Variants in USP49 observed in about 807,000 individuals in gnomAD.
USP49 encodes the protein ubiquitin specific peptidase 49, also known as ubiquitin carboxyl-terminal hydrolase 49.
In USP49, 24 loss-of-function variants were observed where a neutral mutation model predicts 58.6. The observed-to-expected ratio is 0.41, with a 90% CI of 0.30 to 0.58. The LOEUF is 0.58. USP49 is among the 20% of genes least tolerant of loss of function. The pLI, the probability that USP49 is intolerant of heterozygous loss-of-function variation, is 0.30. For missense variants in USP49, 703 were observed against 866.1 expected (o/e 0.81, Z 2.36); for synonymous variants, 408 against 365.1 (o/e 1.12, Z -1.34).
intron 3 of USP49, among the ~76,000 whole-genome samples, chr6:41,826,915 A>G (rs567345508): frequency 1.3e-5 from 2 of 152,166 alleles, no homozygotes; most frequent in Non-Finnish European, 2.9e-5. Context: ...TCAGCTAAAG[A>G]CAGCAAGTCC....
intron 3 of USP49, among the ~76,000 whole-genome samples, chr6:41,860,462 GT>G (rs1355900011): frequency 6.6e-6 from 1 of 152,040 alleles, no homozygotes; most frequent in Admixed American, 6.6e-5. Context: ...ATTACTATCA[GT>G]TTTTATATGC....
Position 41,791,145 on chromosome 6 carries a change from A to G in USP49, c.*5388T>C, listed in dbSNP as rs1772791240. 1 of 152,238 alleles carries G rather than the reference A, an allele frequency of 6.6e-6. No individual in the cohort carries two copies. The highest frequency in any genetic ancestry group is 1.5e-5 in the Non-Finnish European group (1 of 68,036). 9.4% of individuals were successfully genotyped at this position (152,238 alleles called of 1,614,324 possible). A position where few individuals can be genotyped will look rare whatever the true frequency, so the allele number is the denominator to read the frequency against. Reference sequence around the variant, plus strand: ...ATCAAAATCCAGCAAGAATTAAGACATGGCAGCTTCCAAAAGCATAATTCA... The same window carrying G: ...ATCAAAATCCAGCAAGAATTAAGACGTGGCAGCTTCCAAAAGCATAATTCA... On this transcript the variant is annotated 3_prime_UTR_variant, in exon 8 of 8. Coordinates refer to ENST00000682992, the MANE Select transcript of USP49 (RefSeq NM_001286554.2).
intron 2 of USP49, among the ~76,000 whole-genome samples, chr6:41,885,744 C>T (rs1280949806): frequency 1.3e-5 from 2 of 152,038 alleles, no homozygotes; most frequent in Non-Finnish European, 2.9e-5. Context: ...TGCAGTGAGC[C>T]GAGATCATGC....
chr6:41,797,600 A>G, intron 7 of USP49: 1 of 985,732 alleles, frequency 1.0e-6, no homozygotes, highest in Non-Finnish European at 1.2e-6. Context: ...GCATCCCCAC[A>G]CTTCCCATGG....
intron 5 of USP49, among the ~76,000 whole-genome samples, chr6:41,800,579 G>A (rs1451002931): frequency 2.0e-5 from 3 of 152,152 alleles, no homozygotes; most frequent in African/African-American, 4.8e-5. Context: ...CTTCAATTAT[G>A]ATACCCCACA....
chr6:41,860,285 AAG>A (rs1047183862), intron 3 of USP49, among the ~76,000 whole-genome samples: 4 of 147,778 alleles, frequency 2.7e-5, no homozygotes, highest in Non-Finnish European at 4.5e-5. Flanking sequence ...GAGAGAGAGA[AAG>A]AGAGAGAGAG....
chr6:41,847,108 C>G (rs1236015730), intron 3 of USP49, among the ~76,000 whole-genome samples: 1 of 152,020 alleles, frequency 6.6e-6, no homozygotes, highest in African/African-American at 2.4e-5. Context: ...TGCTTAAAGC[C>G]CAGCAAGAGA....
chr6:41,892,495 T>C (rs1774825914), intron 1 of USP49, among the ~76,000 whole-genome samples: 1 of 152,232 alleles, frequency 6.6e-6, no homozygotes, highest in Admixed American at 6.5e-5. Context: ...CAAGATCCTC[T>C]GTTAAATTGC....
At chr6:41,810,637 C>T (rs1180138519) in intron 3 of USP49, among the ~76,000 whole-genome samples, 1 of 151,088 alleles carries the variant, frequency 6.6e-6, no homozygotes, top group East Asian at 2.0e-4. Flanking sequence ...ACCTCCATCT[C>T]CCAGGTTCAA....
chr6:41,791,789 A>G lies in USP49; in HGVS notation c.*4744T>C, dbSNP rs1183061947. On this transcript the variant is annotated 3_prime_UTR_variant, in exon 8 of 8. Coordinates refer to ENST00000682992, the MANE Select transcript of USP49 (RefSeq NM_001286554.2). ...ATTAAAGTCATAGTCCTGGCCCAAC[A>G]GAACAGTTACTAAATGTAAGATACA... is the stretch of plus-strand genomic sequence containing the variant. 2.6e-5 allele frequency: 4 copies of G among 152,250 alleles called. No homozygotes were observed. Among genetic ancestry groups the G allele is most frequent in the African/African-American group, 9.6e-5 (4 of 41,470 alleles). 9.4% of individuals were successfully genotyped at this position (152,250 alleles called of 1,614,324 possible).
intron 3 of USP49, among the ~76,000 whole-genome samples, chr6:41,827,711 G>A (rs570168252): frequency 1.0e-4 from 15 of 150,306 alleles, no homozygotes; most frequent in African/African-American, 2.7e-4. Context: ...GCCTGGGTCC[G>A]GATACTTTTT....
chr6:41,840,476 T>G (rs1410233986), intron 3 of USP49, among the ~76,000 whole-genome samples: 1 of 152,060 alleles, frequency 6.6e-6, no homozygotes, highest in African/African-American at 2.4e-5. Context: ...TCAGTGAAGT[T>G]CTCTTAGAGA....
intron 3 of USP49, among the ~76,000 whole-genome samples, chr6:41,863,008 C>A (rs1471621387): frequency 6.6e-6 from 1 of 152,094 alleles, no homozygotes. Flanking sequence ...AACTCTTAGC[C>A]TCAAGCAATC....
intron 3 of USP49, among the ~76,000 whole-genome samples, chr6:41,851,451 C>A (rs528040428): frequency 1.4e-4 from 22 of 152,258 alleles, no homozygotes; most frequent in Admixed American, 6.5e-4. Context: ...TATGACAAAA[C>A]ATCAAACAAA....
chr6:41,828,210 C>A (rs562996737), intron 3 of USP49, among the ~76,000 whole-genome samples: 2 of 151,784 alleles, frequency 1.3e-5, no homozygotes, highest in African/African-American at 4.8e-5. Context: ...TTTGGGAGGC[C>A]GAGGCGGGCA....
intron 3 of USP49, among the ~76,000 whole-genome samples, chr6:41,834,930 T>C (rs1773699915): frequency 6.6e-6 from 1 of 152,146 alleles, no homozygotes; most frequent in South Asian, 2.1e-4. Flanking sequence ...CTATCTTCAG[T>C]TTTTATAATA....
At chr6:41,824,618 A>G (rs1773507812) in intron 3 of USP49, among the ~76,000 whole-genome samples, 1 of 152,172 alleles carries the variant, frequency 6.6e-6, no homozygotes, top group African/African-American at 2.4e-5. Flanking sequence ...AGGAAGGAGA[A>G]TCGCTTGAAC....
chr6:41,832,862 CATGGT>C (rs1773658690), intron 3 of USP49: 1 of 152,130 alleles, frequency 6.6e-6, no homozygotes, highest in Non-Finnish European at 1.5e-5. Flanking sequence ...ATTGCATTGC[CATGGT>C]ATCTGCACTC....
rs571955256 is a variant in USP49, at chr6:41,889,881, A to T, written c.-103+1913T>A. Among the ~76,000 whole-genome samples the T allele has an allele frequency of 7.2e-5, 11 of 152,338 alleles. 1 individual carries two copies. The highest frequency in any genetic ancestry group is 2.6e-4 in the African/African-American group (11 of 41,578). On this transcript the variant is annotated intron_variant, in intron 2 of 7. Coordinates refer to ENST00000682992, the MANE Select transcript of USP49 (RefSeq NM_001286554.2). ...AAGCAAATGGGGCAAAATGAAAAAA[A>T]TTGGTGAAACTGAGTAAGGGTATAC...
Sources: allele counts gnomAD v4.1 joint callset (sites outside exome capture counted in the v4.1 genomes callset), GRCh38; gene constraint gnomAD v4.1.1; transcripts MANE v1.5; gene names NCBI Gene and HGNC (gene_info 2026-07-23, HGNC 2026-07-21).